Variants in NKAIN2 observed in about 807,000 individuals in gnomAD.
The protein encoded by NKAIN2 is sodium/potassium-transporting ATPase subunit beta-1-interacting protein 2.
A neutral mutation model predicts 32.6 loss-of-function variants in NKAIN2; 14 were observed. The ratio of observed to expected loss-of-function variants is 0.43; its 90% CI spans 0.28 to 0.67. The LOEUF (loss-of-function observed/expected upper bound fraction) is 0.67. NKAIN2 is among the 30% of genes least tolerant of loss of function. The pLI, the probability that NKAIN2 is intolerant of heterozygous loss-of-function variation, is 0.17. For missense variants in NKAIN2, 198 were observed against 258.3 expected, an observed-to-expected ratio of 0.77 and a Z score of 1.60; for synonymous variants, 80 against 87.2, an observed-to-expected ratio of 0.92 and a Z score of 0.46.
intron 1 of NKAIN2, among the ~76,000 whole-genome samples, chr6:123,938,544 TTATATATTTATATATTTTTATATATTA>T (rs1776663535): frequency 7.2e-6 from 1 of 138,314 alleles, no homozygotes; most frequent in Non-Finnish European, 1.6e-5. Flanking sequence ...TTTTTATATA[TTATATATTTATATATTTTTATATATTA>T]TATATATTTA....
At chr6:124,099,199 T>C (rs1278859604) in intron 1 of NKAIN2, among the ~76,000 whole-genome samples, 1 of 152,168 alleles carries the variant, frequency 6.6e-6, no homozygotes, top group Non-Finnish European at 1.5e-5. Context: ...AGATAATTGG[T>C]TGATTATCTA....
chr6:124,365,096 C>T (rs147325065), intron 3 of NKAIN2, among the ~76,000 whole-genome samples: 1 of 151,580 alleles, frequency 6.6e-6, no homozygotes, highest in Non-Finnish European at 1.5e-5. Flanking sequence ...AATTGATTAG[C>T]CTAAGCAATG....
chr6:124,794,409 G>A (rs1370874535), intron 5 of NKAIN2, among the ~76,000 whole-genome samples: 1 of 152,098 alleles, frequency 6.6e-6, no homozygotes, highest in Non-Finnish European at 1.5e-5. Context: ...ACCAATATCT[G>A]TTGAAAGATC....
intron 1 of NKAIN2, among the ~76,000 whole-genome samples, chr6:123,920,228 A>C (rs1775686530): frequency 6.6e-6 from 1 of 152,186 alleles, no homozygotes; most frequent in South Asian, 2.1e-4. Context: ...ACATGAAATC[A>C]GTGGCAGTAA....
chr6:124,440,501 T>C (rs1775641973), intron 3 of NKAIN2, among the ~76,000 whole-genome samples: 1 of 152,088 alleles, frequency 6.6e-6, no homozygotes, highest in Non-Finnish European at 1.5e-5. Context: ...AGAAGTCTGA[T>C]CCTCTTGTTA....
chr6:124,403,517 G>T (rs1457012405), intron 3 of NKAIN2, among the ~76,000 whole-genome samples: 1 of 152,050 alleles, frequency 6.6e-6, no homozygotes, highest in African/African-American at 2.4e-5. Context: ...TCACATTTAA[G>T]CAGTGAATAT....
At chr6:124,180,836 G>T (rs953006808) in intron 1 of NKAIN2, among the ~76,000 whole-genome samples, 2 of 152,178 alleles carry the variant, frequency 1.3e-5, no homozygotes, top group Non-Finnish European at 2.9e-5. Context: ...TTGAATGCCT[G>T]TGGCTTTTCC....
chr6:124,416,651 T>A (rs766150675), intron 3 of NKAIN2, among the ~76,000 whole-genome samples: 15 of 151,716 alleles, frequency 9.9e-5, no homozygotes, highest in Non-Finnish European at 1.8e-4. Flanking sequence ...AACAAACAAA[T>A]AATGAAAATA....
chr6:124,259,324 G>A (rs1249697492), intron 1 of NKAIN2, among the ~76,000 whole-genome samples: 1 of 152,096 alleles, frequency 6.6e-6, no homozygotes, highest in Non-Finnish European at 1.5e-5. Flanking sequence ...GAGGATGAGG[G>A]GCCTGGCATC....
At chr6:124,794,992 G>T (rs755098479) in intron 5 of NKAIN2, 1 of 182,384 alleles carries the variant, frequency 5.5e-6, no homozygotes, top group Non-Finnish European at 1.0e-5. Context: ...AGCAAACCCT[G>T]AAACATGGGA....
intron 2 of NKAIN2, among the ~76,000 whole-genome samples, chr6:124,352,527 GC>G (rs1798779335): frequency 6.6e-6 from 1 of 152,152 alleles, no homozygotes; most frequent in South Asian, 2.1e-4. Context: ...AAGAATGCTT[GC>G]CGACGACAAA....
At chr6:124,235,601 T>C (rs1792705552) in intron 1 of NKAIN2, among the ~76,000 whole-genome samples, 1 of 78,824 alleles carries the variant, frequency 1.3e-5, no homozygotes, top group South Asian at 5.7e-4. Context: ...GTTTTTTTGT[T>C]GTTTTTTTTT....
At chr6:124,479,941 A>T (rs1777378153) in intron 3 of NKAIN2, among the ~76,000 whole-genome samples, 1 of 152,208 alleles carries the variant, frequency 6.6e-6, no homozygotes, top group African/African-American at 2.4e-5. Context: ...ACTAAGAAAC[A>T]AAAAGCCTAA....
chr6:124,603,691 A>G (rs1412348368), intron 3 of NKAIN2, among the ~76,000 whole-genome samples: 1 of 151,972 alleles, frequency 6.6e-6, no homozygotes, highest in East Asian at 1.9e-4. Context: ...TAGGGTGACC[A>G]TATAATTTAT....
chr6:124,235,088 T>C (rs1178793935), intron 1 of NKAIN2, among the ~76,000 whole-genome samples: 1 of 152,224 alleles, frequency 6.6e-6, no homozygotes, highest in Non-Finnish European at 1.5e-5. Context: ...ATTTGTTCTA[T>C]AATCTTCACT....
intron 4 of NKAIN2, among the ~76,000 whole-genome samples, chr6:124,659,282 C>G (rs1446255308): frequency 6.6e-6 from 1 of 152,040 alleles, no homozygotes; most frequent in Admixed American, 6.6e-5. Flanking sequence ...ATGATGCAAG[C>G]AGAATCTGCT....
intron 2 of NKAIN2, among the ~76,000 whole-genome samples, chr6:124,323,801 T>TTTTG (rs1797300616): frequency 6.7e-6 from 1 of 148,668 alleles, no homozygotes; most frequent in African/African-American, 2.5e-5. Context: ...TTTTTTTTTT[T>TTTTG]TTCTGAGACG....
intron 1 of NKAIN2, among the ~76,000 whole-genome samples, chr6:124,218,761 CT>C (rs1265224483): frequency 2.6e-5 from 4 of 152,104 alleles, no homozygotes; most frequent in Non-Finnish European, 5.9e-5. Context: ...ATCTGACCTA[CT>C]TTTAAATACC....
chr6:124,377,408 G>A (rs552176766), intron 3 of NKAIN2, among the ~76,000 whole-genome samples: 13 of 152,144 alleles, frequency 8.5e-5, no homozygotes, highest in Non-Finnish European at 1.8e-4. Context: ...GTTAATTAAA[G>A]CATAATTGCA....
Sources: allele counts gnomAD v4.1 joint callset (sites outside exome capture counted in the v4.1 genomes callset), GRCh38; gene constraint gnomAD v4.1.1; transcripts MANE v1.5; gene names NCBI Gene and HGNC (gene_info 2026-07-23, HGNC 2026-07-21).